The following AGBL4 variants were observed in gnomAD, a reference collection of about 807,000 sequenced individuals.
AGBL4 encodes cytosolic carboxypeptidase 6.
AGBL4 carries 58 observed loss-of-function variants against 66.4 expected under a neutral mutation model. The observed-to-expected ratio is 0.87, with a 90% CI of 0.71 to 1.09. AGBL4 has a LOEUF of 1.09. Among genes scored for constraint, AGBL4 ranks in the 50% least tolerant of loss-of-function variants. The pLI, the probability that AGBL4 is intolerant of heterozygous loss-of-function variation, is 0.00. For synonymous variants in AGBL4, 234 were observed against 222.9 expected, an observed-to-expected ratio of 1.05 and a Z score of -0.44; for missense variants, 579 against 631.0, an observed-to-expected ratio of 0.92 and a Z score of 0.88.
At chr1:48,767,246 C>T (rs1644574384) in intron 6 of AGBL4, among the ~76,000 whole-genome samples, 1 of 152,130 alleles carries the variant, frequency 6.6e-6, no homozygotes. Context: ...GTTTCATTAC[C>T]AGTGAAGTGG....
chr1:48,718,058 C>T (rs982497427), intron 6 of AGBL4, among the ~76,000 whole-genome samples: 16 of 152,154 alleles, frequency 1.1e-4, no homozygotes, highest in Non-Finnish European at 2.9e-5. Context: ...GTTGGCTGCC[C>T]TTCTCACTCA....
intron 1 of AGBL4, among the ~76,000 whole-genome samples, chr1:50,021,360 A>G (rs1662431075): frequency 6.6e-6 from 1 of 152,180 alleles, no homozygotes; most frequent in South Asian, 2.1e-4. Context: ...AATTATCTCT[A>G]TGCCAGTTTA....
At chr1:49,174,410 T>G (rs2148171279) in intron 4 of AGBL4, among the ~76,000 whole-genome samples, 1 of 152,278 alleles carries the variant, frequency 6.6e-6, no homozygotes, top group East Asian at 1.9e-4. Context: ...TTCTCCAGGA[T>G]TGCTTCTATT....
intron 3 of AGBL4, among the ~76,000 whole-genome samples, chr1:49,434,480 A>G (rs997554968): frequency 6.6e-6 from 1 of 152,144 alleles, no homozygotes; most frequent in Non-Finnish European, 1.5e-5. Context: ...GCAAAGAACC[A>G]CCTCTGACTT....
intron 5 of AGBL4, among the ~76,000 whole-genome samples, chr1:48,884,751 C>G (rs1022771447): frequency 6.6e-6 from 1 of 152,122 alleles, no homozygotes; most frequent in African/African-American, 2.4e-5. Flanking sequence ...TCCTCCTTGT[C>G]TCTGTTTCAG....
At chr1:48,751,002 A>G (rs891236460) in intron 6 of AGBL4, among the ~76,000 whole-genome samples, 7 of 152,192 alleles carry the variant, frequency 4.6e-5, no homozygotes, top group Non-Finnish European at 8.8e-5. Flanking sequence ...ATGTTGGCTG[A>G]ACACAAACCT....
chr1:49,101,703 G>A (rs1326491658), intron 4 of AGBL4, among the ~76,000 whole-genome samples: 1 of 152,178 alleles, frequency 6.6e-6, no homozygotes, highest in Middle Eastern at 3.4e-3. Flanking sequence ...CTGTGTTTGA[G>A]GTGTGATATT....
chr1:48,761,566 G>C (rs1179307751), intron 6 of AGBL4: 3 of 1,297,056 alleles, frequency 2.3e-6, no homozygotes, highest in Admixed American at 4.8e-5. Flanking sequence ...GAAAATAATT[G>C]AGGCCAGACC....
intron 3 of AGBL4, among the ~76,000 whole-genome samples, chr1:49,420,722 C>G (rs1391618075): frequency 6.6e-6 from 1 of 151,382 alleles, no homozygotes; most frequent in Non-Finnish European, 1.5e-5. Context: ...AAAAAGTGCT[C>G]TGTATTTATT....
intron 6 of AGBL4, among the ~76,000 whole-genome samples, chr1:48,864,730 T>A (rs542952189): frequency 6.6e-6 from 1 of 152,126 alleles, no homozygotes; most frequent in African/African-American, 2.4e-5. Context: ...GATACAAAGA[T>A]AAGGAAAAAC....
intron 3 of AGBL4, among the ~76,000 whole-genome samples, chr1:49,459,581 C>A (rs542098344): frequency 4.0e-5 from 6 of 151,450 alleles, no homozygotes; most frequent in Non-Finnish European, 5.9e-5. Flanking sequence ...GCTAGGTCTA[C>A]CAATTTCATC....
intron 1 of AGBL4, among the ~76,000 whole-genome samples, chr1:49,880,211 C>T (rs1257346477): frequency 1.3e-4 from 20 of 151,862 alleles, no homozygotes; most frequent in South Asian, 6.2e-4. Context: ...TGAGGAACTG[C>T]GTTCCTTTGG....
Position 48,534,147 on chromosome 1 carries a change from A to G in AGBL4, c.*26T>C. 6.4e-7 allele frequency: 1 copy of G among 1,551,440 alleles called. No individual in the cohort carries two copies. Among genetic ancestry groups the G allele is most frequent in the Non-Finnish European group, 8.7e-7 (1 of 1,146,816 alleles). On this transcript the variant is annotated 3_prime_UTR_variant, in exon 14 of 14. Coordinates refer to ENST00000371839, the MANE Select transcript of AGBL4 (RefSeq NM_032785.4). ...GCAGAAAATGCATGCTCCTGTCCCC[A>G]TAAGACCTCCCAGGACTCCGTGTCT...
chr1:48,846,374 A>G (rs1646913079), intron 6 of AGBL4, among the ~76,000 whole-genome samples: 1 of 133,292 alleles, frequency 7.5e-6, no homozygotes, highest in Non-Finnish European at 1.5e-5. Flanking sequence ...AGAAAGAAAG[A>G]AAGAAAGAAA....
intron 6 of AGBL4, among the ~76,000 whole-genome samples, chr1:48,674,472 T>A (rs1462080252): frequency 7.6e-6 from 1 of 132,216 alleles, no homozygotes; most frequent in Non-Finnish European, 1.6e-5. Context: ...CGTCGTTCAC[T>A]CACAGAGAGG....
At chr1:48,823,098 T>C (rs555221216) in intron 6 of AGBL4, among the ~76,000 whole-genome samples, 1 of 152,354 alleles carries the variant, frequency 6.6e-6, no homozygotes, top group South Asian at 2.1e-4. Context: ...CTTCCCAAGA[T>C]TCTAGAAGTG....
At chr1:49,480,245 T>C (rs1237150159) in intron 3 of AGBL4, among the ~76,000 whole-genome samples, 1 of 152,102 alleles carries the variant, frequency 6.6e-6, no homozygotes, top group Admixed American at 6.5e-5. Flanking sequence ...TAATTTACAC[T>C]CCCACCAACA....
At chr1:49,356,168 T>TG (rs889374546) in intron 3 of AGBL4, among the ~76,000 whole-genome samples, 2 of 152,198 alleles carry the variant, frequency 1.3e-5, no homozygotes, top group Non-Finnish European at 2.9e-5. Flanking sequence ...ATTAGGATCC[T>TG]GGGGGGATCA....
At chr1:48,962,017 A>G (rs1188413137) in intron 5 of AGBL4, among the ~76,000 whole-genome samples, 3 of 152,172 alleles carry the variant, frequency 2.0e-5, no homozygotes, top group Non-Finnish European at 2.9e-5. Context: ...GAGGCTCTGT[A>G]AGGATTCCCA....
Sources: allele counts gnomAD v4.1 joint callset (sites outside exome capture counted in the v4.1 genomes callset), GRCh38; gene constraint gnomAD v4.1.1; transcripts MANE v1.5; gene names NCBI Gene and HGNC (gene_info 2026-07-23, HGNC 2026-07-21).